Variants in PDE1B observed in about 807,000 individuals in gnomAD.
The protein encoded by PDE1B is dual specificity calcium/calmodulin-dependent 3',5'-cyclic nucleotide phosphodiesterase 1B.
Under a neutral mutation model 66.7 loss-of-function variants are expected in PDE1B, and 13 were observed. The observed-to-expected ratio is 0.19, with a 90% CI of 0.13 to 0.31. The LOEUF (loss-of-function observed/expected upper bound fraction) is 0.31, where lower values mean the gene tolerates loss of function less well. PDE1B is among the 10% of genes least tolerant of loss of function. The pLI, the probability that PDE1B is intolerant of heterozygous loss-of-function variation, is 1.00. For missense variants in PDE1B, 485 were observed against 682.3 expected, an observed-to-expected ratio of 0.71 and a Z score of 3.22; for synonymous variants, 230 against 253.9, an observed-to-expected ratio of 0.91 and a Z score of 0.90.
Position 54,555,431 on chromosome 12 carries a change from G to A in PDE1B, c.113+5446G>A, listed in dbSNP as rs1957331111. On this transcript the variant is annotated intron_variant, in intron 2 of 15. Coordinates refer to ENST00000243052, the MANE Select transcript of PDE1B (RefSeq NM_000924.4). ...GACAGAGGATTCCACATTTGAGGTT[G>A]CATTTGCCACCTTTGCCCAGAGGAA... 3.3e-5 allele frequency among the ~76,000 whole-genome samples: 5 copies of A among 152,162 alleles called. No individual in the cohort carries two copies. The South Asian group carries it at 8.3e-4, about 25-fold the overall frequency.
chr12:54,568,291 C>T (rs1957552552), intron 3 of PDE1B, among the ~76,000 whole-genome samples: 2 of 151,792 alleles, frequency 1.3e-5, no homozygotes, highest in South Asian at 4.2e-4. Context: ...TGATGAAACC[C>T]TGTCTCTACA....
rs193036878 is a variant in PDE1B at position 54,573,534 on chromosome 12, C to T, written c.962+54C>T. The stretch of plus-strand genomic sequence containing the variant: ...TAAGAGACTCCCTTACCACAAACTC[C>T]ATTTTCCACTTCCTGGACCTCCTGC... On this transcript the variant is annotated intron_variant, in intron 9 of 15. Transcript: ENST00000243052. This position sits in a 1 kb window ranked among gnomAD's most constrained non-coding sequence, Gnocchi z 5.2. 1.3e-5 allele frequency: 21 copies of T among 1,613,146 alleles called. No homozygotes were observed. The African/African-American group carries it at 2.7e-4, about 20-fold the overall frequency.
Position 54,567,054 on chromosome 12 carries a change from C to T in PDE1B, c.194C>T (p.Ser65Phe). The part of the protein sequence containing the change: ...ELKKNLEYTA[S>F]LLEAVYIDET... ...AAGAAAAATCTGGAGTACACAGCTT[C>T]TCTGCTGGAAGCCGTCTACATAGAT... Residue 65 changes from serine (S) to phenylalanine (F), a missense_variant, in exon 3 of 16, where the codon TCT becomes TTT. Ser to Phe is a radical substitution (Grantham distance 155). Coordinates refer to ENST00000243052, the MANE Select transcript of PDE1B (RefSeq NM_000924.4). 6.2e-7 allele frequency: 1 copy of T among 1,606,992 alleles called. No individual in the cohort carries two copies. The highest frequency in any genetic ancestry group is 8.5e-7 in the Non-Finnish European group (1 of 1,174,518).
chr12:54,563,715 A>T (rs137959899), intron 2 of PDE1B, among the ~76,000 whole-genome samples: 10 of 152,332 alleles, frequency 6.6e-5, no homozygotes, highest in Admixed American at 2.6e-4. Flanking sequence ...AATGTATTAT[A>T]TCACTTAATC....
chr12:54,558,084 G>A (rs1206768442), intron 2 of PDE1B, among the ~76,000 whole-genome samples: 1 of 152,110 alleles, frequency 6.6e-6, no homozygotes, highest in African/African-American at 2.4e-5. Context: ...GTTGTGCTGG[G>A]CTGTTGCTAG....
chr12:54,577,170 T>C, intron 14 of PDE1B, 55 bp from the exon 15 acceptor site: 1 of 1,436,992 alleles, frequency 7.0e-7, no homozygotes, highest in Non-Finnish European at 9.7e-7. Context: ...CTCCTTGGGT[T>C]CTGGGGAAGA....
rs1180717080 is a variant in PDE1B, at chr12:54,577,337, C to G, written c.*9C>G. ...ATGGGAATCTGGATTAGCCCTGGGG[C>G]TGGCCCAGGTGAGCCTGTTGTGGTG... On this transcript the variant is annotated 3_prime_UTR_variant, in exon 15 of 16. Coordinates refer to ENST00000243052, the MANE Select transcript of PDE1B (RefSeq NM_000924.4). 6 of 1,613,716 alleles carry G rather than the reference C, an allele frequency of 3.7e-6. No homozygotes were observed. In the African/African-American group the frequency reaches 8.0e-5, roughly 22 times the overall value.
intron 2 of PDE1B, among the ~76,000 whole-genome samples, chr12:54,555,818 C>T (rs1957335306): frequency 1.3e-5 from 2 of 152,150 alleles, no homozygotes; most frequent in African/African-American, 4.8e-5. Context: ...CCCTTTTGCT[C>T]TTCTCCCTTG....
chr12:54,576,379 A>C, intron 13 of PDE1B, 192 bp from the exon 14 acceptor site: 1 of 634,894 alleles, frequency 1.6e-6, no homozygotes, highest in Non-Finnish European at 2.7e-6. Flanking sequence ...CCAGGAGGGA[A>C]GATGTGGAGA....
At chr12:54,567,207 T>G in intron 3 of PDE1B, 120 bp downstream of exon 3, 1 of 545,458 alleles carries the variant, frequency 1.8e-6, no homozygotes, top group South Asian at 2.0e-5. Flanking sequence ...AGAGAGAGGG[T>G]GGACCAGATA....
At position 54,576,104 on chromosome 12, in the gene PDE1B, A is replaced by G. The variant is rs1299090941; in HGVS notation, c.1376+4A>G. On this transcript the variant is annotated splice_donor_region_variant and intron_variant, in intron 13 of 15. Coordinates refer to ENST00000243052, the MANE Select transcript of PDE1B (RefSeq NM_000924.4). ...CCAAGTCTAAAAACCAGCCCAGGTG[A>G]GGGTGGCTGGGGTAGCCAGATATCT... 6.3e-7 allele frequency: 1 copy of G among 1,578,026 alleles called. No homozygotes were observed. Among genetic ancestry groups the G allele is most frequent in the Admixed American group, 1.7e-5 (1 of 59,970 alleles).
rs140672787 is a variant in PDE1B, at chr12:54,575,667, G to A, written c.1267+35G>A. 4.1e-5 allele frequency: 59 copies of A among 1,440,370 alleles called. No homozygotes were observed. In the African/African-American group the frequency reaches 7.1e-4, roughly 17 times the overall value. The allele number at this position is 1,440,370 out of a possible 1,614,324, so 89.2% of individuals were successfully genotyped here. ...CTCTCCTGCAGGAAGGGGAGGACTG[G>A]GAGGGGGAAAAGATGCTGCCTGGGT... On this transcript the variant is annotated intron_variant, in intron 12 of 15. Coordinates refer to ENST00000243052, the MANE Select transcript of PDE1B (RefSeq NM_000924.4). This position sits in a 1 kb window ranked among gnomAD's most constrained non-coding sequence, Gnocchi z 4.0.
chr12:54,564,927 T>TTTCTGCATTGTAAATGGAA (rs1957487284), intron 2 of PDE1B, among the ~76,000 whole-genome samples: 1 of 152,174 alleles, frequency 6.6e-6, no homozygotes, highest in South Asian at 2.1e-4. Context: ...TGAGCCTTGG[T>TTTCTGCATTGTAAATGGAA]TTCTGCATTG....
intron 6 of PDE1B, 32 bp downstream of exon 6, chr12:54,570,389 A>G: frequency 1.7e-6 from 2 of 1,206,304 alleles, no homozygotes; most frequent in Non-Finnish European, 2.5e-6. Context: ...ACCTCCAGGC[A>G]GGATTCTCCA....
intron 2 of PDE1B, among the ~76,000 whole-genome samples, chr12:54,566,301 T>C: frequency 6.6e-6 from 1 of 152,218 alleles, no homozygotes; most frequent in Admixed American, 6.5e-5. Flanking sequence ...AGAGGTTCTC[T>C]CTGGTGTAAG....
intron 2 of PDE1B, chr12:54,561,568 A>G: frequency 6.6e-7 from 1 of 1,518,526 alleles, no homozygotes; most frequent in Non-Finnish European, 8.8e-7. Flanking sequence ...ACTCTGAAGC[A>G]GGAAACTTTG....
rs117325458 is a variant in PDE1B at position 54,549,991 on chromosome 12, T to A, written c.113+6T>A. 38,417 of 1,612,214 alleles carry A rather than the reference T, an allele frequency of 0.024. 569 individuals carry two copies. Among genetic ancestry groups the A allele is most frequent in the Non-Finnish European group, 0.029 (34,209 of 1,179,098 alleles). On this transcript the variant is annotated splice_donor_region_variant and intron_variant, in intron 2 of 15. Coordinates refer to ENST00000243052, the MANE Select transcript of PDE1B (RefSeq NM_000924.4). ...TGGATTAAGCTTCGGTCTCTGTAAGTCCCCGGCCCGGGAATGGGGGGAAGG... is the reference window on the plus strand; with the variant it reads ...TGGATTAAGCTTCGGTCTCTGTAAGACCCCGGCCCGGGAATGGGGGGAAGG...
At chr12:54,558,063 G>A (rs533617783) in intron 2 of PDE1B, among the ~76,000 whole-genome samples, 14 of 152,160 alleles carry the variant, frequency 9.2e-5, no homozygotes, top group East Asian at 1.9e-4. Context: ...TCCCTTTCTC[G>A]TGTGATCTGA....
chr12:54,550,309 GC>G, intron 2 of PDE1B: 1 of 1,077,576 alleles, frequency 9.3e-7, no homozygotes, highest in Non-Finnish European at 1.2e-6. Flanking sequence ...CAGTAGAGGT[GC>G]CAGGCTGACT....
Sources: gnomAD v4.1 joint callset for allele counts (sites outside exome capture counted in the v4.1 genomes callset) on GRCh38, gnomAD v4.1.1 for gene constraint, Gnocchi (gnomAD v3.1) non-coding constraint, MANE v1.5 for transcripts, NCBI Gene and HGNC (gene_info 2026-07-23, HGNC 2026-07-21) for gene names.